HDGFL3: variants seen among roughly 807,000 people sequenced by gnomAD.
HDGFL3 encodes the protein HDGF like 3.
A neutral mutation model predicts 27.6 loss-of-function variants in HDGFL3; 6 were observed. The ratio of observed to expected loss-of-function variants is 0.22; its 90% CI spans 0.12 to 0.43. The LOEUF is 0.43. Ranked by LOEUF, HDGFL3 falls within the 20% of genes least tolerant of loss-of-function variation. HDGFL3 has a pLI of 1.00. For missense variants in HDGFL3, 207 were observed against 250.1 expected (o/e 0.83, Z 1.16); for synonymous variants, 88 against 88.9 (o/e 0.99, Z 0.05).
chr15:83,139,497 C>T (rs1314037014), intron 5 of HDGFL3, among the ~76,000 whole-genome samples: 1 of 152,092 alleles, frequency 6.6e-6, no homozygotes, highest in Non-Finnish European at 1.5e-5. Context: ...TTTAGTGTCC[C>T]ATAGAAAAAA....
At chr15:83,153,017 C>T (rs1452847105) in intron 4 of HDGFL3, among the ~76,000 whole-genome samples, 7 of 130,322 alleles carry the variant, frequency 5.4e-5, no homozygotes, top group African/African-American at 1.5e-4. Flanking sequence ...TTTTTTAAGA[C>T]GGAGTCTCGC....
chr15:83,120,255 G>A (rs2035096961), intron 3 of HDGFL3, among the ~76,000 whole-genome samples: 1 of 152,212 alleles, frequency 6.6e-6, no homozygotes, highest in South Asian at 2.1e-4. Context: ...TTGGTCTTGG[G>A]AGGCACACAT....
chr15:83,120,168 T>C (rs946875022), intron 3 of HDGFL3: 2 of 161,694 alleles, frequency 1.2e-5, no homozygotes, highest in African/African-American at 4.8e-5. Context: ...GTACAAGGGA[T>C]TAAAGGAACA....
chr15:83,156,663 T>G (rs2037033705), intron 4 of HDGFL3, among the ~76,000 whole-genome samples: 1 of 152,148 alleles, frequency 6.6e-6, no homozygotes, highest in South Asian at 2.1e-4. Flanking sequence ...ATACTCTATG[T>G]TGTTTGTACA....
At chr15:83,176,585 G>C (rs1164483766) in intron 1 of HDGFL3, among the ~76,000 whole-genome samples, 2 of 152,030 alleles carry the variant, frequency 1.3e-5, no homozygotes, top group African/African-American at 4.8e-5. Flanking sequence ...TTCATCCCTG[G>C]ACCTTCACCA....
In HDGFL3 at chr15:83,207,227, G is replaced by A. The variant is rs2037730050; in HGVS notation, c.84+104C>T. 3.8e-6 allele frequency: 3 copies of A among 791,328 alleles called. No individual in the cohort carries two copies. The highest frequency in any genetic ancestry group is 5.2e-6 in the Non-Finnish European group (3 of 576,656). The allele number at this position is 791,328 out of a possible 1,614,324, so 49.0% of individuals were successfully genotyped here. ...CTCAGCCCTCACCACAGCCGGCCGC[G>A]AGCTGCGGGCTCGGGGCTGAGGCGA... On this transcript the variant is annotated intron_variant, in intron 1 of 5. Transcript: ENST00000299633. This position sits in a 1 kb window ranked among gnomAD's most constrained non-coding sequence, Gnocchi z 4.8.
At chr15:83,172,396 T>C (rs140786091) in intron 1 of HDGFL3, among the ~76,000 whole-genome samples, 7 of 152,300 alleles carry the variant, frequency 4.6e-5, no homozygotes, top group Admixed American at 2.0e-4. Flanking sequence ...TCCTGCACAG[T>C]TGAAAATCCA....
In HDGFL3 at chr15:83,127,841, TC is replaced by T; in HGVS notation, c.*11428del. 3.8e-6 allele frequency: 1 copy of T among 261,770 alleles called. No homozygotes were observed. The highest frequency in any genetic ancestry group is 7.3e-6 in the Non-Finnish European group (1 of 136,422). 16.2% of individuals were successfully genotyped at this position (261,770 alleles called of 1,614,324 possible). A position where few individuals can be genotyped will look rare whatever the true frequency, so the allele number is the denominator to read the frequency against. ...ATTGAGAGCTGTCACCTTCAAAATG[TC>T]CATCCAAATTTAAGACTTCAGAATT... On this transcript the variant is annotated 3_prime_UTR_variant, in exon 6 of 6. Transcript: ENST00000299633.
In HDGFL3 at chr15:83,181,292, T is replaced by C. The variant is rs1307351519; in HGVS notation, c.85-17217A>G. On this transcript the variant is annotated intron_variant, in intron 1 of 5. Transcript: ENST00000299633. ...CCAGATGATTTACTGAGGTTTCTCA[T>C]TAGCATGTTACACTGCTGATTCTGG... 2.6e-5 allele frequency among the ~76,000 whole-genome samples: 4 copies of C among 152,312 alleles called. No homozygotes were observed. The East Asian group carries it at 7.7e-4, about 29-fold the overall frequency.
At chr15:83,121,237 ATT>A (rs1229395202) in intron 3 of HDGFL3, among the ~76,000 whole-genome samples, 7 of 139,412 alleles carry the variant, frequency 5.0e-5, no homozygotes, top group Admixed American at 7.2e-5. Flanking sequence ...TGCCCAGCTA[ATT>A]TTTTTTTTTT....
intron 1 of HDGFL3, among the ~76,000 whole-genome samples, chr15:83,190,855 A>G (rs1357301317): frequency 2.0e-5 from 3 of 152,186 alleles, no homozygotes; most frequent in South Asian, 2.1e-4. Flanking sequence ...CAGGGACACA[A>G]TGATATTTTC....
At chr15:83,183,800 A>G (rs1048393756) in intron 1 of HDGFL3, among the ~76,000 whole-genome samples, 1 of 151,948 alleles carries the variant, frequency 6.6e-6, no homozygotes, top group Non-Finnish European at 1.5e-5. Context: ...TCCCACTGCA[A>G]AGAGAGTTTG....
chr15:83,161,422 A>C (rs2037099743), intron 2 of HDGFL3, among the ~76,000 whole-genome samples: 2 of 152,178 alleles, frequency 1.3e-5, no homozygotes, highest in Non-Finnish European at 2.9e-5. Context: ...TGGCCTCCCA[A>C]AGTGCTGGTA....
rs918615729 is a variant in HDGFL3, at chr15:83,132,388, C to G, written c.*6882G>C. 6.6e-6 allele frequency: 1 copy of G among 152,166 alleles called. No homozygotes were observed. The highest frequency in any genetic ancestry group is 6.5e-5 in the Admixed American group (1 of 15,268). 9.4% of individuals were successfully genotyped at this position (152,166 alleles called of 1,614,324 possible). A position where few individuals can be genotyped will look rare whatever the true frequency, so the allele number is the denominator to read the frequency against. ...GACTCACCATGGGCTTGGTAAGGAG[C>G]CTGCCATCCCACAGCCAGCGAAGGA... On this transcript the variant is annotated 3_prime_UTR_variant, in exon 6 of 6. Coordinates refer to ENST00000299633, the MANE Select transcript of HDGFL3 (RefSeq NM_016073.4).
chr15:83,156,822 T>C (rs2037035935), intron 4 of HDGFL3, among the ~76,000 whole-genome samples: 1 of 152,010 alleles, frequency 6.6e-6, no homozygotes, highest in East Asian at 1.9e-4. Flanking sequence ...GCCTCATGAG[T>C]AGCTGGGACT....
At chr15:83,201,336 C>T (rs1351625994) in intron 1 of HDGFL3, among the ~76,000 whole-genome samples, 1 of 152,138 alleles carries the variant, frequency 6.6e-6, no homozygotes, top group Admixed American at 6.5e-5. Context: ...TTTCTAAACT[C>T]TTATTTCAAT....
chr15:83,204,388 A>G (rs1285706464), intron 1 of HDGFL3, among the ~76,000 whole-genome samples: 4 of 152,128 alleles, frequency 2.6e-5, no homozygotes, highest in Admixed American at 6.5e-5. Context: ...AATGGCATGC[A>G]TGTGTCTAGG....
chr15:83,136,558 C>G lies in HDGFL3; in HGVS notation c.*2712G>C. ...ACAGAGTCCCTGAAGAAGCAAAAAT[C>G]CTTTTTTTAGCATTAAACATAGCAT... On this transcript the variant is annotated 3_prime_UTR_variant, in exon 6 of 6. Coordinates refer to ENST00000299633, the MANE Select transcript of HDGFL3 (RefSeq NM_016073.4). 4 of 1,613,720 alleles carry G rather than the reference C, an allele frequency of 2.5e-6. No individual in the cohort carries two copies. Among genetic ancestry groups the G allele is most frequent in the Non-Finnish European group, 3.4e-6 (4 of 1,179,854 alleles).
At chr15:83,194,493 A>C (rs1303660402) in intron 1 of HDGFL3, among the ~76,000 whole-genome samples, 1 of 152,208 alleles carries the variant, frequency 6.6e-6, no homozygotes, top group Non-Finnish European at 1.5e-5. Flanking sequence ...GTTACAAAAC[A>C]ATGTACTTAA....
Sources: allele counts gnomAD v4.1 joint callset (sites outside exome capture counted in the v4.1 genomes callset), GRCh38; gene constraint gnomAD v4.1.1; non-coding constraint Gnocchi (gnomAD v3.1); transcripts MANE v1.5; gene names NCBI Gene and HGNC (gene_info 2026-07-23, HGNC 2026-07-21).